Variants in ANK3 observed in about 807,000 individuals in gnomAD.
The protein encoded by ANK3 is ankyrin 3.
A neutral mutation model predicts 370.9 loss-of-function variants in ANK3; 57 were observed. The ratio of observed to expected loss-of-function variants is 0.15; its 90% confidence interval spans 0.12 to 0.19. The LOEUF (loss-of-function observed/expected upper bound fraction) is 0.19, where lower values mean the gene tolerates loss of function less well. Among genes scored for constraint, ANK3 ranks in the 10% least tolerant of loss-of-function variants. The pLI, the probability that ANK3 is intolerant of heterozygous loss-of-function variation, is 1.00. For missense variants in ANK3, 4,439 were observed against 5,302.1 expected, an observed-to-expected ratio of 0.84 and a Z score of 5.06; for synonymous variants, 1,929 against 1,946.3, an observed-to-expected ratio of 0.99 and a Z score of 0.23.
chr10:60,334,909 G>A (rs2052415561), intron 1 of ANK3, among the ~76,000 whole-genome samples: 1 of 152,058 alleles, frequency 6.6e-6, no homozygotes, highest in African/African-American at 2.4e-5. Context: ...ACGTATATCT[G>A]GAGTGGAAGG....
intron 1 of ANK3, among the ~76,000 whole-genome samples, chr10:60,730,178 C>T (rs2080000956): frequency 1.3e-5 from 2 of 152,002 alleles, no homozygotes; most frequent in South Asian, 4.1e-4. Context: ...GGTCTCACTC[C>T]ACTGCACTCC....
intron 2 of ANK3, among the ~76,000 whole-genome samples, chr10:60,487,014 A>G (rs2075367029): frequency 6.6e-6 from 1 of 152,194 alleles, no homozygotes; most frequent in South Asian, 2.1e-4. Flanking sequence ...AGCCATATGT[A>G]ATTATTCCCA....
At chr10:60,397,887 C>A (rs2063275209) in intron 2 of ANK3, among the ~76,000 whole-genome samples, 1 of 152,108 alleles carries the variant, frequency 6.6e-6, no homozygotes, top group South Asian at 2.1e-4. Context: ...ACAATTTTTT[C>A]ATTCTTTCCC....
At chr10:60,539,590 G>A (rs1024309730) in intron 2 of ANK3, among the ~76,000 whole-genome samples, 1 of 151,932 alleles carries the variant, frequency 6.6e-6, no homozygotes, top group African/African-American at 2.4e-5. Context: ...TAAGCAGTTT[G>A]AAGGTAGGCG....
intron 23 of ANK3, chr10:60,139,870 A>G (rs531151386): frequency 6.2e-6 from 1 of 160,190 alleles, no homozygotes; most frequent in Non-Finnish European, 1.4e-5. Flanking sequence ...CCACATTCCA[A>G]GAGTGACAAG....
upstream of ANK3, among the ~76,000 whole-genome samples, chr10:60,393,516 C>G (rs773335125): frequency 3.9e-5 from 6 of 152,046 alleles, no homozygotes; most frequent in Non-Finnish European, 7.4e-5. Context: ...AATGGGCATA[C>G]TCCAGATAAC....
chr10:60,260,453 C>G (rs572285589), intron 7 of ANK3, among the ~76,000 whole-genome samples: 5 of 152,288 alleles, frequency 3.3e-5, no homozygotes, highest in African/African-American at 1.2e-4. Flanking sequence ...AGTTTCATTT[C>G]TCTTCTAAGA....
chr10:60,593,092 A>G (rs991728254), intron 2 of ANK3, among the ~76,000 whole-genome samples: 5 of 152,240 alleles, frequency 3.3e-5, no homozygotes, highest in African/African-American at 1.2e-4. Context: ...GTTGAGATCA[A>G]TATCACATAG....
At chr10:60,533,062 G>A (rs964222740) in intron 2 of ANK3, among the ~76,000 whole-genome samples, 2 of 152,124 alleles carry the variant, frequency 1.3e-5, no homozygotes, top group African/African-American at 4.8e-5. Flanking sequence ...TCTTGTGTGT[G>A]AACTTGATCC....
chr10:60,672,426 T>A (rs1378121723), intron 1 of ANK3, among the ~76,000 whole-genome samples: 3 of 152,190 alleles, frequency 2.0e-5, no homozygotes, highest in African/African-American at 7.2e-5. Context: ...GGCTGGAGAT[T>A]GAGTTAATAA....
chr10:60,703,133 A>C (rs1194920538), intron 1 of ANK3, among the ~76,000 whole-genome samples: 1 of 152,176 alleles, frequency 6.6e-6, no homozygotes, highest in Non-Finnish European at 1.5e-5. Context: ...AATTCAAGCA[A>C]ACAATTAAAA....
At position 60,691,832 on chromosome 10, in the gene ANK3, A is replaced by C. The variant is rs1428083054; in HGVS notation, c.57+41431T>G. Among the ~76,000 whole-genome samples the C allele has an allele frequency of 2.6e-5, 4 of 152,224 alleles. No individual in the cohort carries two copies. The South Asian group carries it at 8.3e-4, about 32-fold the overall frequency. On this transcript the variant is annotated intron_variant, in intron 1 of 43. Coordinates refer to the ANK3 transcript ENST00000373827. ...GAGGTTTTTTAAATTTTTAAGAATGAATAATTTAAGGCTGTGGTTCTGAAA... is the reference window on the plus strand; with the variant it reads ...GAGGTTTTTTAAATTTTTAAGAATGCATAATTTAAGGCTGTGGTTCTGAAA...
intron 2 of ANK3, among the ~76,000 whole-genome samples, chr10:60,459,140 A>G (rs1470348528): frequency 2.0e-5 from 3 of 152,164 alleles, no homozygotes; most frequent in Non-Finnish European, 4.4e-5. Flanking sequence ...GAACAAATAT[A>G]TTCCGTTTCC....
chr10:60,256,296 T>A (rs537274164), intron 7 of ANK3, among the ~76,000 whole-genome samples: 1 of 152,316 alleles, frequency 6.6e-6, no homozygotes, highest in East Asian at 1.9e-4. Context: ...CAAGTACTAA[T>A]GGTAGAGTAG....
chr10:60,684,819 C>A lies in ANK3; in HGVS notation c.57+48444G>T, dbSNP rs143906737. ...TATTTCTTATGGACTCTGTTGATAT[C>A]GAAAGGATGGAAGAAGCCAAAACTG... On this transcript the variant is annotated intron_variant, in intron 1 of 43. Transcript: ENST00000373827. 16 of 1,530,862 alleles carry A rather than the reference C, an allele frequency of 1.0e-5. No individual in the cohort carries two copies. The East Asian group carries it at 2.7e-4, about 26-fold the overall frequency. The allele number at this position is 1,530,862 out of a possible 1,614,324, so 94.8% of individuals were successfully genotyped here.
At chr10:60,227,033 A>G (rs1036411729) in intron 8 of ANK3, among the ~76,000 whole-genome samples, 1 of 151,674 alleles carries the variant, frequency 6.6e-6, no homozygotes, top group Non-Finnish European at 1.5e-5. Flanking sequence ...TCTTTTTGGT[A>G]TCATTTCCCT....
chr10:60,732,276 G>A (rs560414472), intron 1 of ANK3, among the ~76,000 whole-genome samples: 1 of 152,234 alleles, frequency 6.6e-6, no homozygotes, highest in South Asian at 2.1e-4. Context: ...CCCTTCCCGG[G>A]ACGACTACTG....
intron 2 of ANK3, among the ~76,000 whole-genome samples, chr10:60,395,519 G>A (rs2063199692): frequency 6.6e-6 from 1 of 150,776 alleles, no homozygotes; most frequent in Non-Finnish European, 1.5e-5. Flanking sequence ...CATCAAACAA[G>A]CAGAGAACAC....
intron 7 of ANK3, among the ~76,000 whole-genome samples, chr10:60,239,425 G>GT (rs1444892996): frequency 3.9e-5 from 6 of 152,054 alleles, no homozygotes; most frequent in African/African-American, 1.4e-4. Flanking sequence ...AGAGAACAAA[G>GT]ATAATAGGTA....
Sources: gnomAD v4.1 joint callset for allele counts (sites outside exome capture counted in the v4.1 genomes callset) on GRCh38, gnomAD v4.1.1 for gene constraint, MANE v1.5 for transcripts, NCBI Gene and HGNC (gene_info 2026-07-23, HGNC 2026-07-21) for gene names.